Variants in RALA observed in about 807,000 individuals in gnomAD.
RALA encodes RAS like proto-oncogene A.
A neutral mutation model predicts 24.0 loss-of-function variants in RALA; 5 were observed. The observed-to-expected ratio is 0.21, with a 90% CI of 0.11 to 0.44. The LOEUF (loss-of-function observed/expected upper bound fraction) is 0.44. Among genes scored for constraint, RALA ranks in the 20% least tolerant of loss-of-function variants. RALA has a pLI of 0.99. For missense variants in RALA, 95 were observed against 241.2 expected (o/e 0.39, Z 4.01); for synonymous variants, 77 against 83.8 (o/e 0.92, Z 0.44).
chr7:39,647,470 T>TC (rs1268088840), intron 1 of RALA, among the ~76,000 whole-genome samples: 2 of 152,216 alleles, frequency 1.3e-5, no homozygotes, highest in Non-Finnish European at 2.9e-5. Flanking sequence ...AAACTTGAGG[T>TC]ATTGTTGGAA....
intron 1 of RALA, among the ~76,000 whole-genome samples, chr7:39,644,260 G>C (rs184473406): frequency 3.3e-5 from 5 of 151,596 alleles, no homozygotes; most frequent in Admixed American, 1.3e-4. Flanking sequence ...TACTCAGTAG[G>C]TATTCACCCA....
chr7:39,624,310 G>GC (rs543286213), intron 1 of RALA: 1 of 138,360 alleles, frequency 7.2e-6, no homozygotes, highest in African/African-American at 2.7e-5. Flanking sequence ...GTTTGTTTGT[G>GC]TTTTTTTTTT....
At chr7:39,666,829 C>A (rs1218447026) in intron 1 of RALA, among the ~76,000 whole-genome samples, 2 of 152,186 alleles carry the variant, frequency 1.3e-5, no homozygotes, top group Admixed American at 6.5e-5. Context: ...GCTATAGAGT[C>A]AGTCTTTAGC....
chr7:39,639,501 A>C (rs1000139999), intron 1 of RALA, among the ~76,000 whole-genome samples: 1 of 152,196 alleles, frequency 6.6e-6, no homozygotes, highest in Non-Finnish European at 1.5e-5. Flanking sequence ...GCTGTAGTGC[A>C]TTATGGTTAA....
At chr7:39,641,026 A>G (rs1408572202) in intron 1 of RALA, among the ~76,000 whole-genome samples, 1 of 152,130 alleles carries the variant, frequency 6.6e-6, no homozygotes, top group Non-Finnish European at 1.5e-5. Context: ...CACTAGCCCT[A>G]TCAGAAGAGC....
intron 1 of RALA, among the ~76,000 whole-genome samples, chr7:39,658,265 A>T (rs557105479): frequency 6.6e-6 from 1 of 152,042 alleles, no homozygotes; most frequent in Non-Finnish European, 1.5e-5. Flanking sequence ...TTTCTCCTTC[A>T]GCTGCCTCTC....
intron 1 of RALA, among the ~76,000 whole-genome samples, chr7:39,662,349 C>G (rs551439119): frequency 6.6e-5 from 10 of 152,256 alleles, no homozygotes; most frequent in African/African-American, 1.9e-4. Flanking sequence ...TGAATTACTC[C>G]TCAGAAAATT....
At chr7:39,671,262 G>T (rs893492846) in intron 1 of RALA, among the ~76,000 whole-genome samples, 2 of 152,024 alleles carry the variant, frequency 1.3e-5, no homozygotes, top group African/African-American at 4.8e-5. Flanking sequence ...TCTGTCTTTG[G>T]CCCTTTTACT....
chr7:39,668,294 C>T (rs1044295121), intron 1 of RALA, among the ~76,000 whole-genome samples: 1 of 152,164 alleles, frequency 6.6e-6, no homozygotes, highest in Admixed American at 6.5e-5. Context: ...GCATGATAAA[C>T]CTTAAACAGT....
intron 3 of RALA, among the ~76,000 whole-genome samples, 165 bp from the exon 4 acceptor site, chr7:39,696,520 T>C (rs1236073548): frequency 6.6e-6 from 1 of 152,200 alleles, no homozygotes; most frequent in Non-Finnish European, 1.5e-5. Flanking sequence ...TGAATAAAGT[T>C]TGGACCTTAG....
intron 3 of RALA, among the ~76,000 whole-genome samples, chr7:39,691,946 T>C (rs1408982757): frequency 6.6e-6 from 1 of 152,212 alleles, no homozygotes; most frequent in African/African-American, 2.4e-5. Context: ...GTCAAAGTGA[T>C]ATTTCAAGAG....
chr7:39,682,263 G>C (rs1792616865), intron 1 of RALA, among the ~76,000 whole-genome samples: 1 of 152,190 alleles, frequency 6.6e-6, no homozygotes, highest in Non-Finnish European at 1.5e-5. Flanking sequence ...GTTGTCCTCA[G>C]TATAGGTGGT....
intron 1 of RALA, among the ~76,000 whole-genome samples, chr7:39,662,245 C>T (rs1350109858): frequency 6.6e-6 from 1 of 152,100 alleles, no homozygotes; most frequent in Admixed American, 6.5e-5. Context: ...GACATTTTCC[C>T]CATTGTCTTG....
chr7:39,672,566 A>C (rs1403394271), intron 1 of RALA, among the ~76,000 whole-genome samples: 1 of 152,076 alleles, frequency 6.6e-6, no homozygotes, highest in Non-Finnish European at 1.5e-5. Context: ...ACAAAAGTTT[A>C]TGACAGCTTT....
intron 1 of RALA, among the ~76,000 whole-genome samples, chr7:39,630,157 C>T (rs1323360740): frequency 6.6e-6 from 1 of 152,044 alleles, no homozygotes; most frequent in African/African-American, 2.4e-5. Context: ...GATCTTCCCA[C>T]CTCAGCCTCC....
intron 1 of RALA, among the ~76,000 whole-genome samples, chr7:39,639,860 A>G (rs1791750284): frequency 6.6e-6 from 1 of 152,068 alleles, no homozygotes; most frequent in Non-Finnish European, 1.5e-5. Context: ...TCAGACATGG[A>G]CAATTTAGAC....
At chr7:39,633,025 A>G (rs1158260572) in intron 1 of RALA, among the ~76,000 whole-genome samples, 1 of 152,144 alleles carries the variant, frequency 6.6e-6, no homozygotes, top group East Asian at 1.9e-4. Context: ...TTACCCAGCT[A>G]GTTATAGATG....
intron 1 of RALA, among the ~76,000 whole-genome samples, chr7:39,660,212 G>T (rs1203787429): frequency 6.6e-6 from 1 of 151,958 alleles, no homozygotes; most frequent in Admixed American, 6.6e-5. Flanking sequence ...CGGGTGTGGT[G>T]GTGTGCACCT....
intron 1 of RALA, among the ~76,000 whole-genome samples, chr7:39,646,817 A>G (rs1352977988): frequency 1.3e-5 from 2 of 152,154 alleles, no homozygotes; most frequent in South Asian, 2.1e-4. Context: ...TCCCATGTAT[A>G]TATTTACTTT....
Sources: allele counts gnomAD v4.1 joint callset (sites outside exome capture counted in the v4.1 genomes callset), GRCh38; gene constraint gnomAD v4.1.1; transcripts MANE v1.5; gene names NCBI Gene and HGNC (gene_info 2026-07-23, HGNC 2026-07-21).